CDC42SE1: variants seen among roughly 807,000 people sequenced by gnomAD.
CDC42SE1 encodes CDC42 small effector protein 1.
A neutral mutation model predicts 10.9 loss-of-function variants in CDC42SE1; 10 were observed. The observed-to-expected ratio is 0.92, with a 90% CI of 0.57 to 1.56. The LOEUF (loss-of-function observed/expected upper bound fraction) is 1.56, where lower values mean the gene tolerates loss of function less well. CDC42SE1 is among the 40% of genes most tolerant of loss of function. The pLI is 0.00. For missense variants in CDC42SE1, 81 were observed against 100.8 expected (o/e 0.80, Z 0.84); for synonymous variants, 24 against 32.0 (o/e 0.75, Z 0.85).
At chr1:151,058,429 C>A in intron 1 of CDC42SE1, 1 of 152,530 alleles carries the variant, frequency 6.6e-6, no homozygotes, top group Non-Finnish European at 1.5e-5. Context: ...GGCCACTCTT[C>A]TTTAAAGCAG....
chr1:151,056,109 C>A (rs1250303324), intron 1 of CDC42SE1, 116 bp from the exon 2 acceptor site: 1 of 255,272 alleles, frequency 3.9e-6, no homozygotes, highest in Non-Finnish European at 7.8e-6. Context: ...GGCCCTAGAC[C>A]TGTACACCAA....
chr1:151,054,289 C>T lies in CDC42SE1; in HGVS notation c.198G>A (p.Lys66=). 1 of 1,613,898 alleles carries T rather than the reference C, an allele frequency of 6.2e-7. No individual in the cohort carries two copies. The highest frequency in any genetic ancestry group is 1.3e-5 in the African/African-American group (1 of 75,026). Residue 66 remains lysine, a synonymous_variant, in exon 4 of 5, where the codon AAG becomes AAA. Transcript: ENST00000357235. The part of the protein sequence containing the change: ...TGAVQEQMRS[K]GNRDRPWSNS... ...TGCTCCATGGCCTATCTCGGTTTCC[C>T]TTGGATCTCATCTGCTCCTGAACTG...
At position 151,055,111 on chromosome 1, in the gene CDC42SE1, G is replaced by A. The variant is rs768114309; in HGVS notation, c.70C>T (p.Arg24Trp). The part of the protein sequence containing the change: ...EKPQPKKKRR[R>W]IDRTMIGEPM... Reference sequence around the variant, plus strand: ...TCCCCAATCATGGTCCGGTCAATCCGTCTTCTCTTCTTCTTCTGCTTGGAG... The same window carrying A: ...TCCCCAATCATGGTCCGGTCAATCCATCTTCTCTTCTTCTTCTGCTTGGAG... The change falls in exon 3 of 5, where the codon CGG becomes TGG. Residue 24 changes from arginine (R) to tryptophan (W), a missense_variant. By Grantham distance (101) the Arg-to-Trp change is moderately radical. Transcript: ENST00000357235. 1.8e-5 allele frequency: 29 copies of A among 1,612,674 alleles called. No homozygotes were observed. The Middle Eastern group carries it at 6.6e-4, about 37-fold the overall frequency.
At position 151,054,141 on chromosome 1, in the gene CDC42SE1, T is replaced by G; in HGVS notation, c.*16+90A>C. 27 of 869,892 alleles carry G rather than the reference T, an allele frequency of 3.1e-5. No homozygotes were observed. In the South Asian group the frequency reaches 3.8e-4, roughly 12 times the overall value. The allele number at this position is 869,892 out of a possible 1,614,324, so 53.9% of individuals were successfully genotyped here. A position where few individuals can be genotyped will look rare whatever the true frequency, so the allele number is the denominator to read the frequency against. On this transcript the variant is annotated intron_variant, in intron 4 of 4. Transcript: ENST00000357235. ...CCACCATGCCCGGCCACACCTCCCT[T>G]TCTTGCATAAGATCAGGGTTCTGAG...
At chr1:151,054,166 G>A (rs1451678995) in intron 4 of CDC42SE1, 65 bp downstream of exon 4, 4 of 1,035,784 alleles carry the variant, frequency 3.9e-6, no homozygotes, top group African/African-American at 3.2e-5. Flanking sequence ...AGGGTTCTGA[G>A]TCAGGGTATC....
intron 1 of CDC42SE1, chr1:151,058,923 G>A (rs1349679058): frequency 6.6e-6 from 1 of 152,436 alleles, no homozygotes; most frequent in Non-Finnish European, 1.5e-5. Flanking sequence ...ATTCTGGCTA[G>A]AAGCCCGGGG....
intron 3 of CDC42SE1, 101 bp from the exon 4 acceptor site, chr1:151,054,422 G>T: frequency 1.1e-6 from 1 of 896,384 alleles, no homozygotes; most frequent in Non-Finnish European, 1.8e-6. Context: ...CCATCTCCTT[G>T]ACAATAGCAG....
chr1:151,055,101 C>A lies in CDC42SE1; in HGVS notation c.80G>T (p.Arg27Leu). 6.2e-7 allele frequency: 1 copy of A among 1,613,356 alleles called. No individual in the cohort carries two copies. The change falls in exon 3 of 5, where the codon CGG becomes CTG. Residue 27 changes from arginine (R) to leucine (L), a missense_variant. Coordinates refer to ENST00000357235, the MANE Select transcript of CDC42SE1 (RefSeq NM_020239.4). ...QPKKKRRRID[R>L]TMIGEPMNFV... ...ATTCATTGGTTCCCCAATCATGGTCCGGTCAATCCGTCTTCTCTTCTTCTT... is the reference window on the plus strand; with the variant it reads ...ATTCATTGGTTCCCCAATCATGGTCAGGTCAATCCGTCTTCTCTTCTTCTT...
chr1:151,055,979 C>T lies in CDC42SE1; in HGVS notation c.-249G>A, dbSNP rs587628519. The T allele has an allele frequency of 1.8e-6, 1 of 553,418 alleles. No individual in the cohort carries two copies. Among genetic ancestry groups the T allele is most frequent in the East Asian group, 3.0e-5 (1 of 33,476 alleles). The allele number at this position is 553,418 out of a possible 1,614,324, so 34.3% of individuals were successfully genotyped here. On this transcript the variant is annotated 5_prime_UTR_variant, in exon 2 of 5. Transcript: ENST00000357235. ...CAGGCAGGCACAAGGTTATGTCTTC[C>T]TCAGACTCGGAACCCTGGATTAGAA...
rs1676205641 is a variant in CDC42SE1, at chr1:151,052,751, GAA to G, written c.*591_*592del. On this transcript the variant is annotated 3_prime_UTR_variant, in exon 5 of 5. Transcript: ENST00000357235. ...AAACAGAAGATTAGAGGCCTAACTA[GAA>G]AGAGACACTGGTGTTAGCAGAGAGA... The G allele has an allele frequency of 6.6e-6, 1 of 152,238 alleles. No individual in the cohort carries two copies. The highest frequency in any genetic ancestry group is 1.5e-5 in the Non-Finnish European group (1 of 68,044). 9.4% of individuals were successfully genotyped at this position (152,238 alleles called of 1,614,324 possible).
In CDC42SE1 at chr1:151,051,338, G is replaced by A. The variant is rs960319267; in HGVS notation, c.*2006C>T. ...CTTGACTGGAACTGAGAGTAAATTGGGAATGTATGACCAATCTTAGACCCT... is the reference window on the plus strand; with the variant it reads ...CTTGACTGGAACTGAGAGTAAATTGAGAATGTATGACCAATCTTAGACCCT... On this transcript the variant is annotated 3_prime_UTR_variant, in exon 5 of 5. Coordinates refer to ENST00000357235, the MANE Select transcript of CDC42SE1 (RefSeq NM_020239.4). 8.1e-6 allele frequency: 1 copy of A among 124,108 alleles called. No individual in the cohort carries two copies. The highest frequency in any genetic ancestry group is 2.9e-5 in the African/African-American group (1 of 34,080). The allele number at this position is 124,108 out of a possible 1,614,324, so 7.7% of individuals were successfully genotyped here. A position where few individuals can be genotyped will look rare whatever the true frequency, so the allele number is the denominator to read the frequency against.
intron 2 of CDC42SE1, 31 bp downstream of exon 2, chr1:151,055,646 T>C (rs1210794144): frequency 6.3e-7 from 1 of 1,585,950 alleles, no homozygotes; most frequent in Non-Finnish European, 8.7e-7. Context: ...TGACTGCTCT[T>C]TGGGTTAGGA....
At position 151,051,158 on chromosome 1, in the gene CDC42SE1, G is replaced by GT. The variant is rs1167733637; in HGVS notation, c.*2185dup. On this transcript the variant is annotated 3_prime_UTR_variant, in exon 5 of 5. Coordinates refer to ENST00000357235, the MANE Select transcript of CDC42SE1 (RefSeq NM_020239.4). ...AGGAAAAAGACTGTCCAAAGAACAGGTATTAGAATGAGGCCGAAGATCACG... is the reference window on the plus strand; with the variant it reads ...AGGAAAAAGACTGTCCAAAGAACAGGTTATTAGAATGAGGCCGAAGATCACG... 6.6e-6 allele frequency: 1 copy of GT among 151,896 alleles called. No individual in the cohort carries two copies. The highest frequency in any genetic ancestry group is 2.4e-5 in the African/African-American group (1 of 41,336). The allele number at this position is 151,896 out of a possible 1,614,324, so 9.4% of individuals were successfully genotyped here.
Position 151,057,437 on chromosome 1 carries a change from C to T in CDC42SE1, c.-263-1444G>A, listed in dbSNP as rs1001929024. The stretch of plus-strand genomic sequence containing the variant: ...ACTTGGGAGGCTGAGGCAGGAGAAT[C>T]GCTTGAACCGGAGATTGCAGTGAGC... On this transcript the variant is annotated intron_variant, in intron 1 of 4. Coordinates refer to ENST00000357235, the MANE Select transcript of CDC42SE1 (RefSeq NM_020239.4). The surrounding 1 kb of genome is among the most constrained non-coding windows in gnomAD (Gnocchi z 4.0). Among the ~76,000 whole-genome samples the T allele has an allele frequency of 4.6e-5, 7 of 152,180 alleles. No homozygotes were observed. Among genetic ancestry groups the T allele is most frequent in the South Asian group, 2.1e-4 (1 of 4,836 alleles).
chr1:151,054,967 C>CGGTT (rs1383906197), intron 3 of CDC42SE1, 49 bp downstream of exon 3: 1 of 1,307,322 alleles, frequency 7.6e-7, no homozygotes, highest in East Asian at 2.3e-5. Context: ...AAAGAGGGAA[C>CGGTT]GGTTATAGAC....
At chr1:151,054,104 T>A in intron 4 of CDC42SE1, 127 bp downstream of exon 4, 1 of 695,366 alleles carries the variant, frequency 1.4e-6, no homozygotes, top group East Asian at 2.6e-5. Context: ...GTGCTGGGAT[T>A]ACAGGCATAA....
chr1:151,054,032 C>A (rs1405696640), intron 4 of CDC42SE1, among the ~76,000 whole-genome samples, 199 bp downstream of exon 4: 1 of 148,578 alleles, frequency 6.7e-6, no homozygotes, highest in Non-Finnish European at 1.5e-5. Flanking sequence ...GGTTTTGCCT[C>A]GTTGGCCAGG....
At position 151,057,341 on chromosome 1, in the gene CDC42SE1, G is replaced by T. The variant is rs1220596515; in HGVS notation, c.-263-1348C>A. Among the ~76,000 whole-genome samples the T allele has an allele frequency of 2.0e-5, 3 of 152,130 alleles. No individual in the cohort carries two copies. Among genetic ancestry groups the T allele is most frequent in the African/African-American group, 7.2e-5 (3 of 41,418 alleles). On this transcript the variant is annotated intron_variant, in intron 1 of 4. Transcript: ENST00000357235. The surrounding 1 kb of genome is among the most constrained non-coding windows in gnomAD (Gnocchi z 4.0). The stretch of plus-strand genomic sequence containing the variant: ...GTTCCAGACCAGCCTGGCCAACATG[G>T]TGAAACCCCATCTCTGCTAAAAATA...
intron 2 of CDC42SE1, 155 bp from the exon 3 acceptor site, chr1:151,055,281 C>T: frequency 1.6e-6 from 1 of 624,340 alleles, no homozygotes; most frequent in Non-Finnish European, 2.9e-6. Context: ...GCATGAAAGG[C>T]AAAGCTGGAA....
Sources: allele counts gnomAD v4.1 joint callset (sites outside exome capture counted in the v4.1 genomes callset), GRCh38; gene constraint gnomAD v4.1.1; non-coding constraint Gnocchi (gnomAD v3.1); transcripts MANE v1.5; gene names NCBI Gene and HGNC (gene_info 2026-07-23, HGNC 2026-07-21).